The following PSG4 variants were observed in gnomAD, a reference collection of about 807,000 sequenced individuals.
PSG4 encodes pregnancy-specific beta-1-glycoprotein 4.
A neutral mutation model predicts 44.3 loss-of-function variants in PSG4; 61 were observed. That is an observed-to-expected ratio of 1.38 (90% confidence interval 1.12 to 1.70). The LOEUF (loss-of-function observed/expected upper bound fraction) is 1.70. Ranked by LOEUF, PSG4 falls within the 40% of genes most tolerant of loss-of-function variation. The probability of loss-of-function intolerance (pLI) is 0.00; values close to 1 mark genes in which losing one functional copy is unlikely to be tolerated. For synonymous variants in PSG4, 248 were observed against 191.3 expected, an observed-to-expected ratio of 1.30 and a Z score of -2.45; for missense variants, 677 against 511.7, an observed-to-expected ratio of 1.32 and a Z score of -3.12.
chr19:43,194,107 A>G (rs1967122374), intron 5 of PSG4: 3 of 1,306,304 alleles, frequency 2.3e-6, no homozygotes, highest in African/African-American at 3.0e-5. Context: ...TATTTCAATG[A>G]AATCAATGTT....
rs746727319 is a variant in PSG4 at position 43,203,840 on chromosome 19, G to A, written c.430+46C>T. On this transcript the variant is annotated intron_variant, in intron 2 of 5. Transcript: ENST00000405312. ...AGAATCCTGTGTGTGTGAAGTAGAA[G>A]TGACCCCTGTCCCCCAACACCCAGG... 35 of 1,566,312 alleles carry A rather than the reference G, an allele frequency of 2.2e-5. 3 individuals carry two copies. The highest frequency in any genetic ancestry group is 2.7e-5 in the East Asian group (1 of 37,154).
At chr19:43,195,329 G>A in intron 3 of PSG4, 56 bp from the exon 4 acceptor site, 9 of 1,588,524 alleles carry the variant, frequency 5.7e-6, no homozygotes, top group Non-Finnish European at 7.7e-6. Context: ...TTCCTCCACA[G>A]GCATACTTCA....
chr19:43,201,143 C>T lies in PSG4; in HGVS notation c.430+2743G>A, dbSNP rs924285665. On this transcript the variant is annotated intron_variant, in intron 2 of 5. Transcript: ENST00000405312. Reference sequence around the variant, plus strand: ...TGACAGCAAACTAGCATGTCTGAGTCCATCTGGCATCTAGTCTCAGGCTGG... The same window carrying T: ...TGACAGCAAACTAGCATGTCTGAGTTCATCTGGCATCTAGTCTCAGGCTGG... Among the ~76,000 whole-genome samples the T allele has an allele frequency of 8.9e-5, 13 of 145,720 alleles. 1 individual carries two copies. The highest frequency in any genetic ancestry group is 1.9e-4 in the Non-Finnish European group (13 of 67,194).
Position 43,195,488 on chromosome 19 carries a change from C to G in PSG4, c.710-215G>C, listed in dbSNP as rs868486667. ...TGTTTTAGGGAGGCACAGACTTTCT[C>G]AAGTGTCAATTGAGCAGCAGTGTTG... is the stretch of plus-strand genomic sequence containing the variant. On this transcript the variant is annotated intron_variant, in intron 3 of 5. Transcript: ENST00000405312. Among the ~76,000 whole-genome samples, 25 of 151,562 alleles carry G rather than the reference C, an allele frequency of 1.6e-4. 2 individuals carry two copies. Among genetic ancestry groups the G allele is most frequent in the South Asian group, 8.3e-4 (4 of 4,818 alleles).
intron 2 of PSG4, chr19:43,203,014 T>C (rs1967591378): frequency 6.9e-6 from 1 of 145,814 alleles, no homozygotes; most frequent in African/African-American, 2.7e-5. Context: ...TCAAATAAGC[T>C]AAATGGCAAA....
rs773060457 is a variant in PSG4 at position 43,198,034 on chromosome 19, A to G, written c.672T>C (p.Ser224=). Residue 224 remains serine (S), a synonymous_variant, in exon 3 of 6, where the codon AGT becomes AGC. Transcript: ENST00000405312. ...PYECEIRNPV[S]ASRSDPVTLN... ...GGGTGACTGGGTCACTGCGGCTGGC[A>G]CTCACTGGGTTCCGTATTTCACATT... 6.9e-6 allele frequency: 11 copies of G among 1,587,508 alleles called. 1 individual carries two copies. Among genetic ancestry groups the G allele is most frequent in the Non-Finnish European group, 9.4e-6 (11 of 1,171,902 alleles).
intron 2 of PSG4, chr19:43,203,428 A>G: frequency 6.3e-6 from 1 of 158,484 alleles, no homozygotes; most frequent in Non-Finnish European, 1.3e-5. Flanking sequence ...CCTGCCCAAG[A>G]AGGAACAACC....
chr19:43,203,230 G>T (rs1341074010), intron 2 of PSG4: 2 of 146,428 alleles, frequency 1.4e-5, no homozygotes, highest in Non-Finnish European at 2.9e-5. Flanking sequence ...GGGGACATTA[G>T]ACTTTCTATG....
chr19:43,204,352 A>G, intron 1 of PSG4, 101 bp from the exon 2 acceptor site: 1 of 1,345,354 alleles, frequency 7.4e-7, no homozygotes, highest in Non-Finnish European at 1.0e-6. Context: ...TTGAAGACAC[A>G]CAAACACACA....
chr19:43,205,452 C>A lies in PSG4; in HGVS notation c.64+21G>T. 1.3e-6 allele frequency: 2 copies of A among 1,524,072 alleles called. 1 individual carries two copies. Among genetic ancestry groups the A allele is most frequent in the Non-Finnish European group, 1.8e-6 (2 of 1,124,052 alleles). 94.4% of individuals were successfully genotyped at this position (1,524,072 alleles called of 1,614,324 possible). A position where few individuals can be genotyped will look rare whatever the true frequency, so the allele number is the denominator to read the frequency against. On this transcript the variant is annotated intron_variant, in intron 1 of 5. Transcript: ENST00000405312. The stretch of plus-strand genomic sequence containing the variant: ...ACTCTGCTTCCTCCTCCTGTCCTCT[C>A]CCAGGAAGTTCTCTCCTCACCTGTG...
Position 43,204,065 on chromosome 19 carries a change from A to T in PSG4, c.251T>A (p.Val84Glu). The T allele has an allele frequency of 6.3e-7, 1 of 1,586,632 alleles. No individual in the cohort carries two copies. The highest frequency in any genetic ancestry group is 8.5e-7 in the Non-Finnish European group (1 of 1,170,836). Residue 84 changes from valine (V) to glutamate (E), a missense_variant, in exon 2 of 6, where the codon GTA becomes GAA. Transcript: ENST00000405312. ...CCCATATATAATTCTTTGACCGTCT[A>T]CTACATATGATGTAATGTAATGGTA... is the stretch of plus-strand genomic sequence containing the variant. Reference protein sequence around the residue: ...YLYHYITSYVVDGQRIIYGPA... With the variant: ...YLYHYITSYVEDGQRIIYGPA...
rs781060770 is a variant in PSG4 at position 43,194,601 on chromosome 19, C to G, written c.989-7G>C. The G allele has an allele frequency of 7.0e-5, 113 of 1,606,310 alleles. 3 individuals are homozygous for G. Among genetic ancestry groups the G allele is most frequent in the Middle Eastern group, 1.7e-4 (1 of 6,016 alleles). On this transcript the variant is annotated splice_region_variant and splice_polypyrimidine_tract_variant and intron_variant, in intron 4 of 5. Coordinates refer to ENST00000405312, the MANE Select transcript of PSG4 (RefSeq NM_002780.5). ...CTGGGGAGGTCTGGACCATCTGGCGCAAAGAGAATAAAGCCATAGGTGATG... is the reference window on the plus strand; with the variant it reads ...CTGGGGAGGTCTGGACCATCTGGCGGAAAGAGAATAAAGCCATAGGTGATG...
chr19:43,200,583 A>AT (rs34535436), intron 2 of PSG4, among the ~76,000 whole-genome samples: 94,937 of 140,654 alleles, frequency 0.67, 35,494 homozygotes, highest in East Asian at 0.89. Flanking sequence ...CTCTAACAGC[A>AT]TTTTTTTTCT....
chr19:43,200,378 C>A (rs1348690403), intron 2 of PSG4, among the ~76,000 whole-genome samples: 2 of 77,488 alleles, frequency 2.6e-5, no homozygotes, highest in Non-Finnish European at 5.0e-5. Flanking sequence ...CCCACAACTA[C>A]AAAATTTAAA....
Position 43,204,122 on chromosome 19 carries a change from TAGCCA to T in PSG4, c.189_193del (p.Gly64HisfsTer105), listed in dbSNP as rs750538861. The T allele has an allele frequency of 1.3e-6, 2 of 1,587,326 alleles. No individual in the cohort carries two copies. Among genetic ancestry groups the T allele is most frequent in the Non-Finnish European group, 1.7e-6 (2 of 1,171,690 alleles). On this transcript the variant is annotated frameshift_variant, in exon 2 of 6. Transcript: ENST00000405312. LOFTEE classifies it high-confidence loss of function. ...TGTCATTTGCCCTTTGTACCAAATG[TAGCCA>T]GCAAGATTCTGGGGCAAATTGTGGA...
At position 43,198,202 on chromosome 19, in the gene PSG4, G is replaced by A. The variant is rs538767331; in HGVS notation, c.504C>T (p.Thr168=). ...PREAMEAVIL[T]CDPATPAASY... is the part of the protein sequence containing the mutation. ...TTGCGGCTGGAGTCGCAGGATCACA[G>A]GTTAAGATCACAGCCTCCATGGCCT... is the stretch of plus-strand genomic sequence containing the variant. The change falls in exon 3 of 6, where the codon ACC becomes ACT. Residue 168 remains threonine (T), a synonymous_variant. Coordinates refer to ENST00000405312, the MANE Select transcript of PSG4 (RefSeq NM_002780.5). 1.0e-5 allele frequency: 16 copies of A among 1,587,688 alleles called. 2 individuals are homozygous for A. In the South Asian group the frequency reaches 1.7e-4, roughly 17 times the overall value.
chr19:43,195,591 G>A (rs931393310), intron 3 of PSG4, among the ~76,000 whole-genome samples: 2 of 151,300 alleles, frequency 1.3e-5, no homozygotes, highest in African/African-American at 4.9e-5. Context: ...TTAACTTGCT[G>A]GCTCACCTTG....
Position 43,203,878 on chromosome 19 carries a change from T to G in PSG4, c.430+8A>C. ...CCCAACACCCAGGGATCATGTGGAA[T>G]CACTCACGGTGTAAGGTGAAGGTGA... is the stretch of plus-strand genomic sequence containing the variant. On this transcript the variant is annotated splice_region_variant and intron_variant, in intron 2 of 5. Transcript: ENST00000405312. 1 of 1,574,900 alleles carries G rather than the reference T, an allele frequency of 6.3e-7. No individual in the cohort carries two copies. The highest frequency in any genetic ancestry group is 8.6e-7 in the Non-Finnish European group (1 of 1,166,092).
chr19:43,198,278 G>C lies in PSG4; in HGVS notation c.431-3C>G. On this transcript the variant is annotated splice_polypyrimidine_tract_variant and splice_region_variant and intron_variant, in intron 2 of 5. Coordinates refer to ENST00000405312, the MANE Select transcript of PSG4 (RefSeq NM_002780.5). The stretch of plus-strand genomic sequence containing the variant: ...GATGGAGGGCTTGGGAGTCTCCACT[G>C]TGCAGAAAACAGAGAGAGGTTTGCC... 1 of 1,582,926 alleles carries C rather than the reference G, an allele frequency of 6.3e-7. No homozygotes were observed. Among genetic ancestry groups the C allele is most frequent in the Non-Finnish European group, 8.5e-7 (1 of 1,169,794 alleles).
Sources: gnomAD v4.1 joint callset for allele counts (sites outside exome capture counted in the v4.1 genomes callset) on GRCh38, gnomAD v4.1.1 for gene constraint, MANE v1.5 for transcripts, NCBI Gene and HGNC (gene_info 2026-07-23, HGNC 2026-07-21) for gene names.